The following ATP6V0A4 variants were observed in gnomAD, a reference collection of about 807,000 sequenced individuals.
ATP6V0A4 encodes the protein V-type proton ATPase 116 kDa subunit a 4.
ATP6V0A4 carries 86 observed loss-of-function variants against 107.3 expected under a neutral mutation model. The observed-to-expected ratio is 0.80, with a 90% confidence interval of 0.67 to 0.96. The LOEUF (loss-of-function observed/expected upper bound fraction) is 0.96. Among genes scored for constraint, ATP6V0A4 ranks in the 40% least tolerant of loss-of-function variants. The pLI is 0.00. For missense variants in ATP6V0A4, 908 were observed against 1,045.6 expected (o/e 0.87, Z 1.81); for synonymous variants, 353 against 381.4 (o/e 0.93, Z 0.87).
At chr7:138,759,323 G>A (rs932439794) in intron 8 of ATP6V0A4, among the ~76,000 whole-genome samples, 7 of 152,012 alleles carry the variant, frequency 4.6e-5, no homozygotes, top group Admixed American at 4.6e-4. Context: ...CCAAAGCGCT[G>A]AGATTACAGG....
rs142848391 is a variant in ATP6V0A4, at chr7:138,794,048, A to G, written c.-121+3986T>C. On this transcript the variant is annotated intron_variant, in intron 1 of 21. Coordinates refer to ENST00000310018, the MANE Select transcript of ATP6V0A4 (RefSeq NM_020632.3). The stretch of plus-strand genomic sequence containing the variant: ...AAAAGGGAACCTCTTGTTCTCTCCA[A>G]ATTACAGACCCATCACTGAAGGGCA... Among the ~76,000 whole-genome samples, 423 of 152,264 alleles carry G rather than the reference A, an allele frequency of 2.8e-3. 1 individual carries two copies. The highest frequency in any genetic ancestry group is 4.0e-3 in the Non-Finnish European group (271 of 68,020).
At position 138,769,168 on chromosome 7, in the gene ATP6V0A4, C is replaced by T. The variant is rs1423932617; in HGVS notation, c.196+5G>A. The stretch of plus-strand genomic sequence containing the variant: ...GTAAGAAAAAAAAAAAAAAAATTGG[C>T]TTACGGAGGATTCTCTCCAGTGATT... On this transcript the variant is annotated splice_donor_5th_base_variant and intron_variant, in intron 4 of 21. Transcript: ENST00000310018. 1.2e-6 allele frequency: 2 copies of T among 1,605,400 alleles called. No individual in the cohort carries two copies. Among genetic ancestry groups the T allele is most frequent in the Admixed American group, 1.7e-5 (1 of 59,642 alleles).
At chr7:138,756,621 GT>G in intron 8 of ATP6V0A4, 81 bp from the exon 9 acceptor site, 1 of 1,521,668 alleles carries the variant, frequency 6.6e-7, no homozygotes, top group Non-Finnish European at 9.0e-7. Context: ...GTAAAGTCCT[GT>G]TTTTAGGCTT....
At chr7:138,772,728 C>T (rs915536106) in intron 2 of ATP6V0A4, among the ~76,000 whole-genome samples, 32 of 152,282 alleles carry the variant, frequency 2.1e-4, no homozygotes, top group Non-Finnish European at 1.9e-4. Context: ...AGCCAGGGAA[C>T]GGAGCCCTGG....
intron 16 of ATP6V0A4, 77 bp from the exon 17 acceptor site, chr7:138,733,170 C>A: frequency 6.3e-7 from 1 of 1,581,004 alleles, no homozygotes; most frequent in Non-Finnish European, 8.6e-7. Flanking sequence ...TCTCAAAGCA[C>A]AAAAGCACAA....
In ATP6V0A4 at chr7:138,773,115, T is replaced by C. The variant is rs1278079854; in HGVS notation, c.-17-1851A>G. Among the ~76,000 whole-genome samples, 1 of 152,184 alleles carries C rather than the reference T, an allele frequency of 6.6e-6. No homozygotes were observed. Among genetic ancestry groups the C allele is most frequent in the Non-Finnish European group, 1.5e-5 (1 of 68,036 alleles). ...ATTTTATCACGTACAGAGTATCTACTGTGTGCTCGATACTGGGCCTACCCA... is the reference window on the plus strand; with the variant it reads ...ATTTTATCACGTACAGAGTATCTACCGTGTGCTCGATACTGGGCCTACCCA... On this transcript the variant is annotated intron_variant, in intron 2 of 21. Transcript: ENST00000310018. The surrounding 1 kb of genome is among the most constrained non-coding windows in gnomAD (Gnocchi z 5.4).
At chr7:138,740,106 A>T (rs1198281236) in intron 14 of ATP6V0A4, among the ~76,000 whole-genome samples, 4 of 151,112 alleles carry the variant, frequency 2.6e-5, no homozygotes, top group Non-Finnish European at 5.9e-5. Context: ...AGGAAAAAAA[A>T]AAAAAAGGGA....
intron 6 of ATP6V0A4, 88 bp downstream of exon 6, chr7:138,762,812 A>G: frequency 1.4e-6 from 2 of 1,425,422 alleles, no homozygotes; most frequent in African/African-American, 1.4e-5. Context: ...AGAGTGATTT[A>G]CTCAGATCCC....
At chr7:138,796,257 T>C (rs186296613) in intron 1 of ATP6V0A4, among the ~76,000 whole-genome samples, 1 of 152,106 alleles carries the variant, frequency 6.6e-6, no homozygotes, top group East Asian at 1.9e-4. Context: ...CTGTTTAATG[T>C]TCAACTAGTG....
At chr7:138,726,943 G>A (rs1804753845) in intron 18 of ATP6V0A4, among the ~76,000 whole-genome samples, 1 of 151,992 alleles carries the variant, frequency 6.6e-6, no homozygotes, top group South Asian at 2.1e-4. Context: ...GAGCTTGTGT[G>A]GTACAAAGAG....
At chr7:138,710,679 A>G (rs1410104403) in intron 20 of ATP6V0A4, among the ~76,000 whole-genome samples, 2 of 152,248 alleles carry the variant, frequency 1.3e-5, no homozygotes, top group Admixed American at 1.3e-4. Flanking sequence ...ACTGCAATGT[A>G]CAAGGGCACA....
intron 11 of ATP6V0A4, among the ~76,000 whole-genome samples, chr7:138,751,300 C>T (rs1340095107): frequency 1.3e-5 from 2 of 152,210 alleles, no homozygotes; most frequent in African/African-American, 4.8e-5. Context: ...AAACGCAGTT[C>T]CCGAGGGCAA....
chr7:138,739,969 C>T (rs185929253), intron 14 of ATP6V0A4, among the ~76,000 whole-genome samples: 6 of 152,088 alleles, frequency 3.9e-5, no homozygotes, highest in Non-Finnish European at 8.8e-5. Context: ...TGGCACATGC[C>T]TTTAGTTCCA....
chr7:138,741,583 T>C (rs1805635782), intron 14 of ATP6V0A4, among the ~76,000 whole-genome samples: 1 of 151,914 alleles, frequency 6.6e-6, no homozygotes, highest in African/African-American at 2.4e-5. Context: ...ACAAGATCAT[T>C]CCACAATCAT....
chr7:138,730,341 A>AGTGTGTGTGT lies in ATP6V0A4; in HGVS notation c.1909-1489_1909-1480dup, dbSNP rs369725759. On this transcript the variant is annotated intron_variant, in intron 17 of 21. Transcript: ENST00000310018. ...CGATGACGTACAAAGCAACGGGATGAGTGTGTGTGTGTGTGTGTGTGTGTG... is the reference window on the plus strand; with the variant it reads ...CGATGACGTACAAAGCAACGGGATGAGTGTGTGTGTGTGTGTGTGTGTGTGTGTGTGTGTG... Among the ~76,000 whole-genome samples, 579 of 140,116 alleles carry AGTGTGTGTGT rather than the reference A, an allele frequency of 4.1e-3. 2 individuals carry two copies. Among genetic ancestry groups the AGTGTGTGTGT allele is most frequent in the East Asian group, 0.024 (110 of 4,668 alleles). The allele number at this position is 140,116 out of a possible 152,430, so 91.9% of individuals were successfully genotyped here.
At chr7:138,713,225 A>G (rs1197107928) in intron 20 of ATP6V0A4, among the ~76,000 whole-genome samples, 4 of 149,568 alleles carry the variant, frequency 2.7e-5, no homozygotes, top group Admixed American at 6.8e-5. Context: ...GAATTGCTTG[A>G]ACCTGGGAGG....
At chr7:138,771,898 GGCATGA>G (rs78885504) in intron 2 of ATP6V0A4, among the ~76,000 whole-genome samples, 22,720 of 151,828 alleles carry the variant, frequency 0.15, 2,166 homozygotes, top group African/African-American at 0.27. Flanking sequence ...TGGGATTACA[GGCATGA>G]GCCACTGCTC....
intron 2 of ATP6V0A4, among the ~76,000 whole-genome samples, chr7:138,784,241 T>TATATATATATAC (rs1183974925): frequency 5.1e-5 from 2 of 39,514 alleles, no homozygotes; most frequent in African/African-American, 1.5e-4. Flanking sequence ...TATACGTATA[T>TATATATATATAC]ATATATATAT....
In ATP6V0A4 at chr7:138,749,319, T is replaced by G; in HGVS notation, c.1030-2A>C. On this transcript the variant is annotated splice_acceptor_variant, in intron 11 of 21. Coordinates refer to ENST00000310018, the MANE Select transcript of ATP6V0A4 (RefSeq NM_020632.3). LOFTEE classifies it high-confidence loss of function. The stretch of plus-strand genomic sequence containing the variant: ...GGCCATGGAGGAGCCACTTAGTTCC[T>G]GGAAAAAAAAAAAAAAGCGACAAAG... 6.3e-7 allele frequency: 1 copy of G among 1,577,216 alleles called. No homozygotes were observed. Among genetic ancestry groups the G allele is most frequent in the Non-Finnish European group, 8.6e-7 (1 of 1,164,346 alleles).
Sources: allele counts gnomAD v4.1 joint callset (sites outside exome capture counted in the v4.1 genomes callset), GRCh38; gene constraint gnomAD v4.1.1; non-coding constraint Gnocchi (gnomAD v3.1); transcripts MANE v1.5; gene names NCBI Gene and HGNC (gene_info 2026-07-23, HGNC 2026-07-21).